KCNQ5: variants seen among roughly 807,000 people sequenced by gnomAD.
The protein encoded by KCNQ5 is potassium voltage-gated channel subfamily Q member 5, also known as potassium voltage-gated channel subfamily KQT member 5.
A neutral mutation model predicts 98.2 loss-of-function variants in KCNQ5; 30 were observed. The observed-to-expected ratio is 0.31, with a 90% CI of 0.23 to 0.41. KCNQ5 has a LOEUF of 0.41. KCNQ5 is among the 10% of genes least tolerant of loss of function. The pLI is 1.00. For missense variants in KCNQ5, 835 were observed against 1,182.5 expected (o/e 0.71, Z 4.31); for synonymous variants, 458 against 449.4 (o/e 1.02, Z -0.24).
At chr6:72,954,557 G>A (rs973541473) in intron 1 of KCNQ5, among the ~76,000 whole-genome samples, 1 of 151,414 alleles carries the variant, frequency 6.6e-6, no homozygotes, top group Non-Finnish European at 1.5e-5. Flanking sequence ...GTGTGTGTGT[G>A]TGTGTGTTGA....
At chr6:72,629,806 G>T (rs2098919822) in intron 1 of KCNQ5, among the ~76,000 whole-genome samples, 1 of 152,138 alleles carries the variant, frequency 6.6e-6, no homozygotes, top group East Asian at 1.9e-4. Context: ...CCATTTATGA[G>T]TGCGTTATTT....
At chr6:73,189,686 T>C (rs1333915393) in intron 11 of KCNQ5, among the ~76,000 whole-genome samples, 1 of 152,242 alleles carries the variant, frequency 6.6e-6, no homozygotes, top group African/African-American at 2.4e-5. Flanking sequence ...ATGTTATGTT[T>C]CTCTGCTTTC....
chr6:73,053,294 T>C (rs1335880937), intron 3 of KCNQ5, among the ~76,000 whole-genome samples: 4 of 152,124 alleles, frequency 2.6e-5, no homozygotes, highest in Non-Finnish European at 5.9e-5. Flanking sequence ...CACACAATAA[T>C]AGTGGGAGAC....
chr6:73,009,174 T>G (rs1367728261), intron 2 of KCNQ5, among the ~76,000 whole-genome samples: 1 of 152,070 alleles, frequency 6.6e-6, no homozygotes, highest in Non-Finnish European at 1.5e-5. Flanking sequence ...GCATTTTTAG[T>G]AGAGGCAGGG....
At chr6:72,896,604 G>A (rs376519601) in intron 1 of KCNQ5, among the ~76,000 whole-genome samples, 9 of 152,050 alleles carry the variant, frequency 5.9e-5, no homozygotes, top group South Asian at 2.1e-4. Flanking sequence ...CTAAAAACTC[G>A]TCCATAACTG....
Position 73,160,229 on chromosome 6 carries a change from G to T in KCNQ5, c.1469-9517G>T, listed in dbSNP as rs540233595. On this transcript the variant is annotated intron_variant, in intron 10 of 13. Transcript: ENST00000370398. The stretch of plus-strand genomic sequence containing the variant: ...GACGGGGTTTCACCGTGTTAGCCAG[G>T]ATGGTCTCGATCTCCTGACGTCGTG... Among the ~76,000 whole-genome samples the T allele has an allele frequency of 8.5e-5, 13 of 152,064 alleles. 1 individual carries two copies. The South Asian group carries it at 2.5e-3, about 29-fold the overall frequency.
At chr6:73,166,759 C>A (rs1048021490) in intron 10 of KCNQ5, among the ~76,000 whole-genome samples, 2 of 152,102 alleles carry the variant, frequency 1.3e-5, no homozygotes, top group Admixed American at 6.6e-5. Flanking sequence ...CCATCCCCTG[C>A]CTCTCTCCTA....
chr6:72,703,519 T>G (rs1027635977), intron 1 of KCNQ5, among the ~76,000 whole-genome samples: 1 of 152,246 alleles, frequency 6.6e-6, no homozygotes, highest in African/African-American at 2.4e-5. Flanking sequence ...CAACAAAATT[T>G]GAAAGGCTGA....
At chr6:72,687,770 T>C (rs921757719) in intron 1 of KCNQ5, among the ~76,000 whole-genome samples, 9 of 152,120 alleles carry the variant, frequency 5.9e-5, no homozygotes, top group African/African-American at 1.7e-4. Context: ...GAAATATTTT[T>C]CCTAAGAAGT....
intron 2 of KCNQ5, among the ~76,000 whole-genome samples, chr6:73,020,422 G>A (rs546569369): frequency 6.6e-6 from 1 of 152,288 alleles, no homozygotes; most frequent in African/African-American, 2.4e-5. Context: ...GCAAGGTTAT[G>A]TAGGAAGGGG....
At chr6:73,075,947 AG>A (rs1773521865) in intron 3 of KCNQ5, among the ~76,000 whole-genome samples, 1 of 152,216 alleles carries the variant, frequency 6.6e-6, no homozygotes, top group Admixed American at 6.5e-5. Flanking sequence ...TGGGAGGCTG[AG>A]GTGGGACACA....
In KCNQ5 at chr6:73,198,723, T is replaced by A. The variant is rs1220429215; in HGVS notation, c.*3309T>A. On this transcript the variant is annotated 3_prime_UTR_variant, in exon 14 of 14. Coordinates refer to ENST00000370398, the MANE Select transcript of KCNQ5 (RefSeq NM_019842.4). Reference sequence around the variant, plus strand: ...AGTCATGTATGACAATGCAATTGTCTGTTTCCTGAAAACAAATAAATCGGG... The same window carrying A: ...AGTCATGTATGACAATGCAATTGTCAGTTTCCTGAAAACAAATAAATCGGG... 6.6e-6 allele frequency: 1 copy of A among 152,250 alleles called. No individual in the cohort carries two copies. Among genetic ancestry groups the A allele is most frequent in the African/African-American group, 2.4e-5 (1 of 41,472 alleles). 9.4% of individuals were successfully genotyped at this position (152,250 alleles called of 1,614,324 possible). A position where few individuals can be genotyped will look rare whatever the true frequency, so the allele number is the denominator to read the frequency against.
intron 1 of KCNQ5, among the ~76,000 whole-genome samples, chr6:72,842,929 T>G (rs774348601): frequency 1.3e-5 from 2 of 152,350 alleles, no homozygotes; most frequent in South Asian, 2.1e-4. Context: ...TCTCCCATTC[T>G]GTAGGTTGCC....
At position 73,197,330 on chromosome 6, in the gene KCNQ5, T is replaced by C. The variant is rs1765822508; in HGVS notation, c.*1916T>C. 6.6e-6 allele frequency: 1 copy of C among 152,164 alleles called. No homozygotes were observed. Among genetic ancestry groups the C allele is most frequent in the Admixed American group, 6.6e-5 (1 of 15,266 alleles). The allele number at this position is 152,164 out of a possible 1,614,324, so 9.4% of individuals were successfully genotyped here. ...AGAACCTTGTCCCTTTTGATAAACA[T>C]GGAAATTTTTAAAGCTTCCTCTTCG... On this transcript the variant is annotated 3_prime_UTR_variant, in exon 14 of 14. Transcript: ENST00000370398.
intron 11 of KCNQ5, among the ~76,000 whole-genome samples, chr6:73,175,998 C>T (rs923947250): frequency 1.3e-5 from 2 of 152,094 alleles, no homozygotes; most frequent in Non-Finnish European, 2.9e-5. Flanking sequence ...GTGAAGGTGG[C>T]ATTAGAAAGC....
chr6:73,024,312 T>A (rs775982549), intron 2 of KCNQ5, among the ~76,000 whole-genome samples: 1 of 140,702 alleles, frequency 7.1e-6, no homozygotes. Flanking sequence ...AAAAATAACC[T>A]TAGGTTACCC....
In KCNQ5 at chr6:72,713,276, C is replaced by T. The variant is rs1206478513; in HGVS notation, c.398+90689C>T. 6.6e-5 allele frequency among the ~76,000 whole-genome samples: 10 copies of T among 152,284 alleles called. No homozygotes were observed. In the East Asian group the frequency reaches 1.9e-3, roughly 29 times the overall value. ...CATTTTGAACTCCAGGCGTCCCAAA[C>T]GTGACTCTTTCCTTTTCTTCCTGCA... is the stretch of plus-strand genomic sequence containing the variant. On this transcript the variant is annotated intron_variant, in intron 1 of 13. Coordinates refer to ENST00000370398, the MANE Select transcript of KCNQ5 (RefSeq NM_019842.4).
chr6:73,103,630 A>G (rs901063931), intron 5 of KCNQ5, among the ~76,000 whole-genome samples: 2 of 152,212 alleles, frequency 1.3e-5, no homozygotes, highest in African/African-American at 4.8e-5. Context: ...AACTTAAAGT[A>G]TAATAATTAA....
intron 2 of KCNQ5, among the ~76,000 whole-genome samples, chr6:73,032,835 CA>C (rs57177639): frequency 0.28 from 41,964 of 151,354 alleles, 6,420 homozygotes; most frequent in East Asian, 0.56. Context: ...GGATGGACAA[CA>C]AAAAAAACCT....
Sources: allele counts gnomAD v4.1 joint callset (sites outside exome capture counted in the v4.1 genomes callset), GRCh38; gene constraint gnomAD v4.1.1; transcripts MANE v1.5; gene names NCBI Gene and HGNC (gene_info 2026-07-23, HGNC 2026-07-21).